The following CYSLTR1 variants were observed in gnomAD, a reference collection of about 807,000 sequenced individuals.
The protein encoded by CYSLTR1 is G-protein coupled receptor HG55.
Under a neutral mutation model 2.1 loss-of-function variants are expected in CYSLTR1, and 1 was observed. The ratio of observed to expected loss-of-function variants is 0.48; its 90% CI spans 0.17 to 2.28. CYSLTR1 has a LOEUF of 2.28. CYSLTR1 is among the 30% of genes most tolerant of loss of function. The pLI is 0.26. For missense variants in CYSLTR1, 299 were observed against 250.1 expected, an observed-to-expected ratio of 1.20 and a Z score of -1.32; for synonymous variants, 110 against 89.6, an observed-to-expected ratio of 1.23 and a Z score of -1.28.
chrX:78,286,082 A>T (rs932148909), intron 1 of CYSLTR1, among the ~76,000 whole-genome samples: 4 of 111,854 alleles, frequency 3.6e-5, no homozygotes, highest in African/African-American at 1.3e-4. Flanking sequence ...TTTCTGCATC[A>T]GCCCTTAGCA....
At chrX:78,283,010 A>G (rs188497727) in intron 2 of CYSLTR1, among the ~76,000 whole-genome samples, 2 of 112,537 alleles carry the variant, frequency 1.8e-5, no homozygotes, top group East Asian at 5.6e-4. Context: ...TAAAAAGAAG[A>G]TTGTAAAACT....
At chrX:78,284,806 T>TA (rs1238367813) in intron 1 of CYSLTR1, among the ~76,000 whole-genome samples, 38 of 91,288 alleles carry the variant, frequency 4.2e-4, no homozygotes, top group Non-Finnish European at 7.1e-4. Flanking sequence ...AATGCAAAAA[T>TA]AAAAAATATA....
At position 78,271,786 on chromosome X, in the gene CYSLTR1, A is replaced by T. The variant is rs759340882; in HGVS notation, c.*947T>A. The stretch of plus-strand genomic sequence containing the variant: ...TGTATACATATACATAAATGTATGC[A>T]CTTCTTAAAAGAATTTGTAATGTGA... On this transcript the variant is annotated 3_prime_UTR_variant, in exon 3 of 3. Coordinates refer to ENST00000373304, the MANE Select transcript of CYSLTR1 (RefSeq NM_006639.4). 2 of 112,654 alleles carry T rather than the reference A, an allele frequency of 1.8e-5. No individual in the cohort carries two copies. Among genetic ancestry groups the T allele is most frequent in the African/African-American group, 3.2e-5 (1 of 31,087 alleles). 9.3% of individuals were successfully genotyped at this position (112,654 alleles called of 1,213,427 possible). A position where few individuals can be genotyped will look rare whatever the true frequency, so the allele number is the denominator to read the frequency against.
chrX:78,311,748 T>C (rs1472561357), intron 1 of CYSLTR1, among the ~76,000 whole-genome samples: 1 of 111,684 alleles, frequency 9.0e-6, no homozygotes, highest in African/African-American at 3.3e-5. Flanking sequence ...CCACAAAAAT[T>C]GAAATAGCTA....
chrX:78,304,448 G>A (rs974945636), intron 1 of CYSLTR1, among the ~76,000 whole-genome samples: 2 of 111,457 alleles, frequency 1.8e-5, no homozygotes, highest in African/African-American at 6.5e-5. Context: ...AATACTGACT[G>A]AGTGGTTAAG....
intron 1 of CYSLTR1, among the ~76,000 whole-genome samples, chrX:78,317,876 G>T (rs757882963): frequency 4.5e-5 from 5 of 111,888 alleles, no homozygotes; most frequent in Non-Finnish European, 7.5e-5. Flanking sequence ...TGCGTACAGT[G>T]TACACTGCCT....
intron 1 of CYSLTR1, among the ~76,000 whole-genome samples, chrX:78,307,096 A>G (rs1569552415): frequency 8.9e-6 from 1 of 112,387 alleles, no homozygotes; most frequent in Non-Finnish European, 1.9e-5. Flanking sequence ...TTAGTTTTCT[A>G]TAGTGTAACA....
chrX:78,319,609 T>C (rs370394977), intron 1 of CYSLTR1: 1 of 111,398 alleles, frequency 9.0e-6, no homozygotes, highest in Non-Finnish European at 1.9e-5. Context: ...GCATGATTTA[T>C]AATCCTTTGG....
intron 1 of CYSLTR1, among the ~76,000 whole-genome samples, chrX:78,305,704 T>C (rs1014713082): frequency 6.2e-5 from 7 of 112,628 alleles, no homozygotes; most frequent in African/African-American, 2.3e-4. Flanking sequence ...CTATTTTAGA[T>C]ATTTCATTTA....
chrX:78,290,355 G>T (rs1160555166), intron 1 of CYSLTR1, among the ~76,000 whole-genome samples: 11 of 111,684 alleles, frequency 9.8e-5, no homozygotes, highest in Non-Finnish European at 2.1e-4. Flanking sequence ...TGCTGTTTTG[G>T]TTACTGTAGC....
intron 2 of CYSLTR1, among the ~76,000 whole-genome samples, chrX:78,282,804 A>G (rs1921894480): frequency 1.8e-5 from 2 of 111,788 alleles, no homozygotes; most frequent in African/African-American, 6.5e-5. Context: ...GTTATAATTA[A>G]ATTTGAAATT....
At chrX:78,321,495 A>T (rs1374206285) in intron 1 of CYSLTR1, 1 of 110,629 alleles carries the variant, frequency 9.0e-6, no homozygotes, top group Non-Finnish European at 1.9e-5. Context: ...GTTTGAGACC[A>T]GCGTGACCAA....
At chrX:78,289,205 C>T (rs1267824322) in intron 1 of CYSLTR1, among the ~76,000 whole-genome samples, 1 of 109,089 alleles carries the variant, frequency 9.2e-6, no homozygotes. Context: ...TGAGTGAGAA[C>T]ATGCGGTGTT....
intron 2 of CYSLTR1, among the ~76,000 whole-genome samples, chrX:78,278,242 A>G (rs1921684986): frequency 8.9e-6 from 1 of 111,943 alleles, no homozygotes; most frequent in Non-Finnish European, 1.9e-5. Flanking sequence ...ACATAAAGAA[A>G]GAACAAAACC....
At chrX:78,317,544 G>A (rs1246585281) in intron 1 of CYSLTR1, among the ~76,000 whole-genome samples, 1 of 112,332 alleles carries the variant, frequency 8.9e-6, no homozygotes, top group Non-Finnish European at 1.9e-5. Context: ...GTTTATAGTA[G>A]CACTATTCAC....
intron 2 of CYSLTR1, among the ~76,000 whole-genome samples, chrX:78,282,006 C>T (rs1440605253): frequency 2.7e-5 from 3 of 111,262 alleles, no homozygotes; most frequent in Non-Finnish European, 5.7e-5. Flanking sequence ...CCAAGTTTCT[C>T]TCTCACTTCT....
At chrX:78,320,828 T>C (rs959155935) in intron 1 of CYSLTR1, 9 of 111,498 alleles carry the variant, frequency 8.1e-5, no homozygotes, top group African/African-American at 2.9e-4. Flanking sequence ...GTCCTTCACA[T>C]CCCTTGTAAG....
chrX:78,299,466 A>T lies in CYSLTR1; in HGVS notation c.-114-15926T>A, dbSNP rs180802970. Reference sequence around the variant, plus strand: ...TAATCCCTTTAACAGTTCTTATAGGACAGATCTGATGATAATAAAATTTCT... The same window carrying T: ...TAATCCCTTTAACAGTTCTTATAGGTCAGATCTGATGATAATAAAATTTCT... On this transcript the variant is annotated intron_variant, in intron 1 of 2. Transcript: ENST00000373304. Among the ~76,000 whole-genome samples, 207 of 110,727 alleles carry T rather than the reference A, an allele frequency of 1.9e-3. 2 individuals are homozygous for T. The highest frequency in any genetic ancestry group is 3.7e-3 in the Non-Finnish European group (193 of 52,794).
intron 1 of CYSLTR1, among the ~76,000 whole-genome samples, chrX:78,313,444 A>G (rs1462693656): frequency 1.8e-5 from 2 of 111,823 alleles, no homozygotes; most frequent in African/African-American, 6.5e-5. Flanking sequence ...AAACTGCACA[A>G]TGTACCCCTT....
Sources: allele counts gnomAD v4.1 joint callset (sites outside exome capture counted in the v4.1 genomes callset), GRCh38; gene constraint gnomAD v4.1.1; transcripts MANE v1.5; gene names NCBI Gene and HGNC (gene_info 2026-07-23, HGNC 2026-07-21).